Variants in PEX5L observed in about 807,000 individuals in gnomAD.
The protein encoded by PEX5L is peroxisomal biogenesis factor 5 like.
PEX5L carries 30 observed loss-of-function variants against 84.0 expected under a neutral mutation model. The ratio of observed to expected loss-of-function variants is 0.36; its 90% CI spans 0.27 to 0.48. PEX5L has a LOEUF of 0.48. Among genes scored for constraint, PEX5L ranks in the 20% least tolerant of loss-of-function variants. The pLI, the probability that PEX5L is intolerant of heterozygous loss-of-function variation, is 0.99. For missense variants in PEX5L, 533 were observed against 754.6 expected, an observed-to-expected ratio of 0.71 and a Z score of 3.44; for synonymous variants, 270 against 283.1, an observed-to-expected ratio of 0.95 and a Z score of 0.46.
chr3:179,868,202 T>G (rs1749057685), intron 7 of PEX5L, among the ~76,000 whole-genome samples: 1 of 151,858 alleles, frequency 6.6e-6, no homozygotes, highest in Non-Finnish European at 1.5e-5. Context: ...CTTTAGGAGC[T>G]AATGGGTTGA....
intron 8 of PEX5L, 48 bp downstream of exon 8, chr3:179,859,014 C>T: frequency 8.4e-7 from 1 of 1,192,232 alleles, no homozygotes; most frequent in Non-Finnish European, 1.3e-6. Context: ...TTTCAAATGC[C>T]ACTCTCAGGA....
intron 12 of PEX5L, among the ~76,000 whole-genome samples, chr3:179,808,869 G>A (rs1041029302): frequency 1.7e-4 from 26 of 151,836 alleles, no homozygotes; most frequent in African/African-American, 4.8e-4. Flanking sequence ...CGAGGTCAGG[G>A]AATCAAGACC....
Position 179,874,384 on chromosome 3 carries a change from T to G in PEX5L, c.669A>C (p.Gly223=). The change falls in exon 7 of 15, where the codon GGA becomes GGC. Residue 223 remains glycine, a synonymous_variant. Coordinates refer to ENST00000467460, the MANE Select transcript of PEX5L (RefSeq NM_016559.3). ...CCGACTCAGAGTTGAGGGCGCTTTT[T>G]CCACCACTCAGTTCTGGTTGAGATC... ...EHRSQPELSG[G]KSALNSESAS... is the part of the protein sequence containing the mutation. 1.2e-6 allele frequency: 2 copies of G among 1,612,812 alleles called. No homozygotes were observed. The highest frequency in any genetic ancestry group is 1.1e-5 in the South Asian group (1 of 91,010).
intron 1 of PEX5L, among the ~76,000 whole-genome samples, chr3:179,980,307 G>T (rs375522191): frequency 1.3e-5 from 2 of 151,714 alleles, no homozygotes; most frequent in African/African-American, 4.8e-5. Flanking sequence ...ACTTTTGAGG[G>T]TTATTATTAT....
At chr3:179,898,062 T>A in intron 3 of PEX5L, 80 bp downstream of exon 3, 1 of 831,402 alleles carries the variant, frequency 1.2e-6, no homozygotes, top group Non-Finnish European at 1.8e-6. Context: ...GTTAAAGTTT[T>A]TTTTTTCTAG....
In PEX5L at chr3:179,973,173, G is replaced by T. The variant is rs960609484; in HGVS notation, c.22-1508C>A. 3.9e-6 allele frequency: 5 copies of T among 1,288,368 alleles called. No homozygotes were observed. In the African/African-American group the frequency reaches 6.1e-5, roughly 16 times the overall value. 79.8% of individuals were successfully genotyped at this position (1,288,368 alleles called of 1,614,324 possible). A position where few individuals can be genotyped will look rare whatever the true frequency, so the allele number is the denominator to read the frequency against. ...TGTATACGTACCAAGTAGCTCATTT[G>T]CATGACCCGGTTTCTGGACAAAAGG... On this transcript the variant is annotated intron_variant, in intron 1 of 14. Transcript: ENST00000467460.
chr3:179,875,567 G>A, intron 5 of PEX5L, 90 bp from the exon 6 acceptor site: 1 of 881,956 alleles, frequency 1.1e-6, no homozygotes, highest in Non-Finnish European at 1.8e-6. Flanking sequence ...GGTGGAGCGT[G>A]TGGTGCAGAG....
intron 3 of PEX5L, among the ~76,000 whole-genome samples, chr3:179,893,729 T>C (rs932088395): frequency 4.6e-5 from 7 of 152,172 alleles, no homozygotes; most frequent in African/African-American, 1.7e-4. Context: ...TCAATAATAA[T>C]TTTTAAAGTT....
intron 14 of PEX5L, among the ~76,000 whole-genome samples, chr3:179,802,863 G>GT (rs201967991): frequency 0.2 from 29,838 of 145,752 alleles, 3,028 homozygotes; most frequent in Middle Eastern, 0.32. Flanking sequence ...CAAATTTCTT[G>GT]TTTTTTTTTT....
chr3:179,912,332 T>C (rs1198659059), intron 2 of PEX5L, among the ~76,000 whole-genome samples: 2 of 152,112 alleles, frequency 1.3e-5, no homozygotes, highest in Non-Finnish European at 2.9e-5. Context: ...AAAAGTGATT[T>C]GGCCTGAACT....
intron 2 of PEX5L, among the ~76,000 whole-genome samples, chr3:179,945,965 T>C (rs1777420757): frequency 6.6e-6 from 1 of 152,148 alleles, no homozygotes. Flanking sequence ...AGCTGGTGAC[T>C]TGCAAGCCAA....
intron 1 of PEX5L, among the ~76,000 whole-genome samples, chr3:180,018,375 AT>A (rs905237881): frequency 6.6e-6 from 1 of 152,230 alleles, no homozygotes; most frequent in Non-Finnish European, 1.5e-5. Flanking sequence ...TCTAAAAGAA[AT>A]AACACAGAAT....
chr3:180,026,060 T>C (rs1313945420), intron 1 of PEX5L, among the ~76,000 whole-genome samples: 2 of 152,096 alleles, frequency 1.3e-5, no homozygotes, highest in African/African-American at 4.8e-5. Flanking sequence ...AAGCACTATG[T>C]TTTGTTCCCT....
intron 1 of PEX5L, among the ~76,000 whole-genome samples, chr3:180,007,717 C>A (rs150125900): frequency 7.2e-5 from 11 of 152,344 alleles, no homozygotes; most frequent in African/African-American, 2.6e-4. Flanking sequence ...AGGCTAAATA[C>A]CACATGGAAG....
intron 2 of PEX5L, among the ~76,000 whole-genome samples, chr3:179,931,710 G>C (rs1773169761): frequency 6.6e-6 from 1 of 152,006 alleles, no homozygotes; most frequent in African/African-American, 2.4e-5. Flanking sequence ...AAAATTCATT[G>C]GATACAGCAC....
Position 180,002,100 on chromosome 3 carries a change from T to C in PEX5L, c.22-30435A>G, listed in dbSNP as rs146341464. Reference sequence around the variant, plus strand: ...TCTTTTTAATGCCTGCATGTTATTCTAGGTATGAATGTACCATGAACTTCT... The same window carrying C: ...TCTTTTTAATGCCTGCATGTTATTCCAGGTATGAATGTACCATGAACTTCT... On this transcript the variant is annotated intron_variant, in intron 1 of 14. Coordinates refer to ENST00000467460, the MANE Select transcript of PEX5L (RefSeq NM_016559.3). Among the ~76,000 whole-genome samples the C allele has an allele frequency of 3.3e-5, 5 of 152,306 alleles. No homozygotes were observed. In the East Asian group the frequency reaches 9.6e-4, roughly 29 times the overall value.
chr3:179,920,576 C>T (rs1768987309), intron 2 of PEX5L, among the ~76,000 whole-genome samples: 1 of 152,080 alleles, frequency 6.6e-6, no homozygotes, highest in Non-Finnish European at 1.5e-5. Flanking sequence ...AAAAATCTTA[C>T]AAAATAAAGG....
chr3:179,923,479 G>C lies in PEX5L; in HGVS notation c.94-25233C>G, dbSNP rs1008038011. On this transcript the variant is annotated intron_variant, in intron 2 of 14. Transcript: ENST00000467460. The stretch of plus-strand genomic sequence containing the variant: ...CAGCAGCCTCAGCATCAGCATCATA[G>C]GGGAACTTGTTAGAAATGCAAATAC... Among the ~76,000 whole-genome samples the C allele has an allele frequency of 5.3e-5, 8 of 152,172 alleles. No homozygotes were observed. In the East Asian group the frequency reaches 1.5e-3, roughly 29 times the overall value.
chr3:179,948,535 G>A (rs1778220384), intron 2 of PEX5L, among the ~76,000 whole-genome samples: 2 of 152,202 alleles, frequency 1.3e-5, no homozygotes. Flanking sequence ...AAGGCAGCAT[G>A]GGAGAAATAC....
Sources: allele counts gnomAD v4.1 joint callset (sites outside exome capture counted in the v4.1 genomes callset), GRCh38; gene constraint gnomAD v4.1.1; transcripts MANE v1.5; gene names NCBI Gene and HGNC (gene_info 2026-07-23, HGNC 2026-07-21).